The following GPC5 variants were observed in gnomAD, a reference collection of about 807,000 sequenced individuals.
GPC5 encodes glypican 5.
GPC5 carries 47 observed loss-of-function variants against 53.9 expected under a neutral mutation model. The observed-to-expected ratio is 0.87, with a 90% CI of 0.69 to 1.11. The LOEUF (loss-of-function observed/expected upper bound fraction) is 1.11, where lower values mean the gene tolerates loss of function less well. Among genes scored for constraint, GPC5 ranks in the 50% most tolerant of loss-of-function variants. The pLI is 0.00. For missense variants in GPC5, 748 were observed against 713.1 expected (o/e 1.05, Z -0.56); for synonymous variants, 286 against 263.3 (o/e 1.09, Z -0.84).
rs138141296 is a variant in GPC5, at chr13:92,792,443, A to G, written c.1562-73839A>G. Among the ~76,000 whole-genome samples the G allele has an allele frequency of 2.3e-3, 352 of 151,810 alleles. 1 individual carries two copies. Among genetic ancestry groups the G allele is most frequent in the Middle Eastern group, 6.8e-3 (2 of 294 alleles). ...GAATGGAACAACTGGTACCATGCCA[A>G]ATTGTAAAGACCATCGATGCTACAA... On this transcript the variant is annotated intron_variant, in intron 7 of 7. Coordinates refer to ENST00000377067, the MANE Select transcript of GPC5 (RefSeq NM_004466.6).
chr13:91,601,164 A>AT (rs2033168697), intron 2 of GPC5, among the ~76,000 whole-genome samples: 2 of 152,140 alleles, frequency 1.3e-5, no homozygotes, highest in African/African-American at 4.8e-5. Context: ...TTTGACAGTT[A>AT]TTTTTTAAAA....
intron 7 of GPC5, among the ~76,000 whole-genome samples, chr13:92,624,781 C>T (rs1884994011): frequency 1.3e-5 from 2 of 152,204 alleles, no homozygotes; most frequent in African/African-American, 4.8e-5. Context: ...GGAGACATAA[C>T]ACAATCTCTA....
chr13:91,461,605 G>C (rs1881932808), intron 2 of GPC5, among the ~76,000 whole-genome samples: 1 of 152,066 alleles, frequency 6.6e-6, no homozygotes, highest in South Asian at 2.1e-4. Context: ...TAAAGTACTT[G>C]GTTTGGTGCC....
At chr13:91,458,387 T>C (rs1385086573) in intron 2 of GPC5, among the ~76,000 whole-genome samples, 2 of 152,084 alleles carry the variant, frequency 1.3e-5, no homozygotes, top group African/African-American at 2.4e-5. Flanking sequence ...CAACATTATA[T>C]TGAATGGGGA....
At chr13:91,919,424 T>A (rs1221318449) in intron 6 of GPC5, among the ~76,000 whole-genome samples, 2 of 152,176 alleles carry the variant, frequency 1.3e-5, no homozygotes, top group East Asian at 1.9e-4. Context: ...CAGAATCCAA[T>A]AGAAAATTAG....
chr13:91,474,505 C>A (rs1456375107), intron 2 of GPC5, among the ~76,000 whole-genome samples: 1 of 152,084 alleles, frequency 6.6e-6, no homozygotes, highest in African/African-American at 2.4e-5. Context: ...GTTTCTCAAT[C>A]TCTTTCCACA....
At chr13:91,991,361 C>A (rs777197211) in intron 6 of GPC5, among the ~76,000 whole-genome samples, 4 of 152,112 alleles carry the variant, frequency 2.6e-5, no homozygotes, top group Non-Finnish European at 2.9e-5. Context: ...TTTTATTTAT[C>A]TTTGTATATT....
chr13:92,402,721 G>A (rs1192357456), intron 7 of GPC5, among the ~76,000 whole-genome samples: 2 of 152,010 alleles, frequency 1.3e-5, no homozygotes, highest in Admixed American at 6.5e-5. Context: ...GAGTCAAAGT[G>A]GAAGCCAAAA....
At chr13:92,059,566 A>G (rs1190759195) in intron 6 of GPC5, among the ~76,000 whole-genome samples, 6 of 152,032 alleles carry the variant, frequency 3.9e-5, no homozygotes, top group Non-Finnish European at 1.5e-5. Context: ...TTCACTCAAT[A>G]GTATATTATT....
chr13:92,520,913 G>T (rs527788235), intron 7 of GPC5, among the ~76,000 whole-genome samples: 1 of 152,138 alleles, frequency 6.6e-6, no homozygotes, highest in Admixed American at 6.5e-5. Context: ...TCCTTAAGCC[G>T]ATAAGCAACT....
chr13:92,557,937 A>G (rs533888618), intron 7 of GPC5, among the ~76,000 whole-genome samples: 46 of 152,158 alleles, frequency 3.0e-4, no homozygotes, highest in African/African-American at 1.0e-3. Flanking sequence ...CTTGACATTT[A>G]ATCAAGACTG....
intron 7 of GPC5, among the ~76,000 whole-genome samples, chr13:92,694,998 C>T (rs141080466): frequency 4.7e-4 from 71 of 152,280 alleles, no homozygotes; most frequent in African/African-American, 1.7e-3. Context: ...TTTGACAGTT[C>T]CTACGTCACT....
At position 92,144,900 on chromosome 13, in the gene GPC5, T is replaced by C. The variant is rs199956523; in HGVS notation, c.1472T>C (p.Val491Ala). Residue 491 changes from valine to alanine, a missense_variant, in exon 7 of 8, where the codon GTT becomes GCT. Physicochemically the swap from Val to Ala is moderately conservative, Grantham distance 64. Coordinates refer to ENST00000377067, the MANE Select transcript of GPC5 (RefSeq NM_004466.6). ...LLQLGSGGGM[V>A]EQVSGDCDDE... is the part of the protein sequence containing the mutation. ...CAGCTGGGCAGTGGTGGAGGCATGG[T>C]TGAACAAGTCAGTGGGGACTGTGAT... 5 of 1,609,642 alleles carry C rather than the reference T, an allele frequency of 3.1e-6. No individual in the cohort carries two copies. In the African/African-American group the frequency reaches 6.7e-5, roughly 22 times the overall value.
chr13:92,436,066 A>G lies in GPC5; in HGVS notation c.1561+291077A>G, dbSNP rs141568561. Among the ~76,000 whole-genome samples the G allele has an allele frequency of 3.7e-3, 560 of 152,318 alleles. 4 individuals are homozygous for G. The highest frequency in any genetic ancestry group is 0.013 in the African/African-American group (527 of 41,582). Reference sequence around the variant, plus strand: ...TTACTGACTATTCTGTTATTTTGATATTAAAATTATTCATTCAGACCATAA... The same window carrying G: ...TTACTGACTATTCTGTTATTTTGATGTTAAAATTATTCATTCAGACCATAA... On this transcript the variant is annotated intron_variant, in intron 7 of 7. Transcript: ENST00000377067.
intron 6 of GPC5, among the ~76,000 whole-genome samples, chr13:92,027,015 G>T (rs550320358): frequency 6.6e-6 from 1 of 152,152 alleles, no homozygotes; most frequent in African/African-American, 2.4e-5. Flanking sequence ...ACAGCTGGAT[G>T]CAAGCATTGC....
At chr13:92,389,057 T>A (rs9301805) in intron 7 of GPC5, among the ~76,000 whole-genome samples, 94,547 of 151,832 alleles carry the variant, frequency 0.62, 29,847 homozygotes, top group African/African-American at 0.71. Context: ...TCTCTTTCTT[T>A]TCTTGTTCAT....
At chr13:92,756,244 A>G (rs1874863787) in intron 7 of GPC5, among the ~76,000 whole-genome samples, 1 of 152,076 alleles carries the variant, frequency 6.6e-6, no homozygotes, top group South Asian at 2.1e-4. Context: ...TGATTATCTC[A>G]ATAGATGCAG....
intron 7 of GPC5, among the ~76,000 whole-genome samples, chr13:92,243,104 A>G (rs998551650): frequency 1.3e-5 from 2 of 152,182 alleles, no homozygotes; most frequent in African/African-American, 4.8e-5. Flanking sequence ...TTTGGAAATG[A>G]TCCTCGCTAC....
At chr13:91,504,865 G>T (rs190776584) in intron 2 of GPC5, among the ~76,000 whole-genome samples, 121 of 152,182 alleles carry the variant, frequency 8.0e-4, no homozygotes, top group African/African-American at 2.8e-3. Context: ...GAAGTAGGAG[G>T]ATCGCTTGAG....
Sources: gnomAD v4.1 joint callset for allele counts (sites outside exome capture counted in the v4.1 genomes callset) on GRCh38, gnomAD v4.1.1 for gene constraint, MANE v1.5 for transcripts, NCBI Gene and HGNC (gene_info 2026-07-23, HGNC 2026-07-21) for gene names.